Variants in TRPM3 observed in about 807,000 individuals in gnomAD.
TRPM3 encodes transient receptor potential cation channel subfamily M member 3.
In TRPM3, 77 loss-of-function variants were observed where a neutral mutation model predicts 181.2. The ratio of observed to expected loss-of-function variants is 0.42; its 90% CI spans 0.35 to 0.51. TRPM3 has a LOEUF of 0.51. Ranked by LOEUF, TRPM3 falls within the 20% of genes least tolerant of loss-of-function variation. TRPM3 has a pLI of 0.01. For synonymous variants in TRPM3, 745 were observed against 796.4 expected (o/e 0.94, Z 1.09); for missense variants, 1,759 against 2,196.7 (o/e 0.80, Z 3.98).
intron 1 of TRPM3, among the ~76,000 whole-genome samples, chr9:70,989,467 T>C (rs1235789088): frequency 6.6e-6 from 1 of 152,128 alleles, no homozygotes; most frequent in Non-Finnish European, 1.5e-5. Flanking sequence ...CAACTGAACT[T>C]TTAACTTGGT....
At chr9:70,784,531 G>A (rs1327206549) in intron 6 of TRPM3, among the ~76,000 whole-genome samples, 8 of 152,080 alleles carry the variant, frequency 5.3e-5, no homozygotes, top group South Asian at 2.1e-4. Flanking sequence ...GTGAAGGCAC[G>A]GGGTTCCATA....
intron 9 of TRPM3, among the ~76,000 whole-genome samples, chr9:70,657,984 A>G (rs549280062): frequency 6.6e-6 from 1 of 152,298 alleles, no homozygotes; most frequent in East Asian, 1.9e-4. Context: ...CACTGATGCA[A>G]GACCAGCCTA....
At chr9:71,013,962 C>T (rs1286178981) in intron 1 of TRPM3, among the ~76,000 whole-genome samples, 1 of 151,792 alleles carries the variant, frequency 6.6e-6, no homozygotes, top group Non-Finnish European at 1.5e-5. Context: ...CTCCCTTCTG[C>T]TTTCTTTTGA....
At chr9:70,816,571 A>G (rs1588759704) in intron 6 of TRPM3, among the ~76,000 whole-genome samples, 1 of 152,336 alleles carries the variant, frequency 6.6e-6, no homozygotes, top group Non-Finnish European at 1.5e-5. Flanking sequence ...CCTGCTGCCA[A>G]GATTACTGGC....
At chr9:71,360,778 CA>C (rs2092108316) in intron 1 of TRPM3, among the ~76,000 whole-genome samples, 1 of 151,964 alleles carries the variant, frequency 6.6e-6, no homozygotes, top group Non-Finnish European at 1.5e-5. Context: ...GCCCAGAGCA[CA>C]GCACTATGTC....
At chr9:70,909,659 A>G (rs2096517416) in intron 1 of TRPM3, among the ~76,000 whole-genome samples, 1 of 152,204 alleles carries the variant, frequency 6.6e-6, no homozygotes, top group African/African-American at 2.4e-5. Flanking sequence ...ACAATCTAAT[A>G]GGAAAGTTGG....
chr9:71,251,525 T>C (rs1170837604), intron 1 of TRPM3, among the ~76,000 whole-genome samples: 3 of 152,188 alleles, frequency 2.0e-5, no homozygotes, highest in Admixed American at 6.5e-5. Flanking sequence ...CACAGAATTT[T>C]AACTTTTAAC....
In TRPM3 at chr9:70,809,989, T is replaced by C. The variant is rs779027118; in HGVS notation, c.973+17858A>G. 1.9e-4 allele frequency: 102 copies of C among 534,684 alleles called. No individual in the cohort carries two copies. The highest frequency in any genetic ancestry group is 9.5e-4 in the Middle Eastern group (3 of 3,146). The allele number at this position is 534,684 out of a possible 1,614,324, so 33.1% of individuals were successfully genotyped here. A position where few individuals can be genotyped will look rare whatever the true frequency, so the allele number is the denominator to read the frequency against. ...TCAAAAAAGATGCCAGTGATGACAA[T>C]TGAACGTCCCTTTGCCTTCCCAGCC... On this transcript the variant is annotated intron_variant, in intron 6 of 25. Transcript: ENST00000677713.
chr9:71,438,437 A>G (rs1298089767), intron 1 of TRPM3, among the ~76,000 whole-genome samples: 1 of 152,072 alleles, frequency 6.6e-6, no homozygotes, highest in African/African-American at 2.4e-5. Flanking sequence ...TGAAAGGCTG[A>G]GGTGGAAGGA....
intron 6 of TRPM3, among the ~76,000 whole-genome samples, chr9:70,809,079 T>A (rs1032558457): frequency 1.3e-5 from 2 of 152,100 alleles, no homozygotes; most frequent in Admixed American, 6.5e-5. Flanking sequence ...GAAAAAAGTT[T>A]AAAAAATACA....
intron 5 of TRPM3, among the ~76,000 whole-genome samples, chr9:70,837,114 C>T (rs749359654): frequency 6.6e-6 from 1 of 152,170 alleles, no homozygotes; most frequent in Non-Finnish European, 1.5e-5. Flanking sequence ...TCCCCAGATA[C>T]ATCTTATCTA....
intron 22 of TRPM3, among the ~76,000 whole-genome samples, chr9:70,584,182 G>A (rs1256341054): frequency 6.6e-6 from 1 of 152,188 alleles, no homozygotes; most frequent in East Asian, 1.9e-4. Context: ...ATGAGCCACT[G>A]TGCCTGGCCT....
chr9:71,241,180 T>A (rs1023849698), intron 1 of TRPM3, among the ~76,000 whole-genome samples: 5 of 152,106 alleles, frequency 3.3e-5, no homozygotes, highest in Admixed American at 3.3e-4. Flanking sequence ...CAAACAGACC[T>A]TGAACCTCAG....
intron 1 of TRPM3, among the ~76,000 whole-genome samples, chr9:71,376,444 C>G (rs1349286577): frequency 1.3e-5 from 2 of 151,942 alleles, no homozygotes; most frequent in African/African-American, 4.8e-5. Context: ...TATAACTCCT[C>G]AAGTAATTTT....
intron 19 of TRPM3, among the ~76,000 whole-genome samples, chr9:70,605,001 G>A (rs571339517): frequency 7.6e-6 from 1 of 131,226 alleles, no homozygotes; most frequent in South Asian, 2.4e-4. Flanking sequence ...CTATTGCCCA[G>A]GCTGGAGTGC....
At chr9:70,896,240 C>A (rs2096276954) in intron 1 of TRPM3, among the ~76,000 whole-genome samples, 1 of 152,116 alleles carries the variant, frequency 6.6e-6, no homozygotes, top group African/African-American at 2.4e-5. Flanking sequence ...CAGAACAGCT[C>A]AAAAATTTTG....
chr9:71,290,479 G>A (rs189269944), intron 1 of TRPM3, among the ~76,000 whole-genome samples: 52 of 152,172 alleles, frequency 3.4e-4, no homozygotes, highest in African/African-American at 1.2e-3. Flanking sequence ...CCAATAGAAT[G>A]AGGGTAGAAC....
In TRPM3 at chr9:70,533,209, A is replaced by G. The variant is rs1030071835; in HGVS notation, c.*2744T>C. 2.5e-4 allele frequency: 38 copies of G among 152,152 alleles called. 1 individual carries two copies. The highest frequency in any genetic ancestry group is 5.9e-5 in the Non-Finnish European group (4 of 68,036). 9.4% of individuals were successfully genotyped at this position (152,152 alleles called of 1,614,324 possible). On this transcript the variant is annotated 3_prime_UTR_variant, in exon 26 of 26. Coordinates refer to ENST00000677713, the MANE Select transcript of TRPM3 (RefSeq NM_001366145.2). The stretch of plus-strand genomic sequence containing the variant: ...TGAAAATTTCTTTCCCTCACTTCCA[A>G]TCTGGCCCAGAATGAGGCCTTGGAG...
At chr9:70,597,444 T>C (rs967196636) in intron 21 of TRPM3, among the ~76,000 whole-genome samples, 5 of 152,182 alleles carry the variant, frequency 3.3e-5, no homozygotes, top group Non-Finnish European at 5.9e-5. Flanking sequence ...ACATATATCT[T>C]GTAAAGATGA....
Sources: gnomAD v4.1 joint callset for allele counts (sites outside exome capture counted in the v4.1 genomes callset) on GRCh38, gnomAD v4.1.1 for gene constraint, MANE v1.5 for transcripts, NCBI Gene and HGNC (gene_info 2026-07-23, HGNC 2026-07-21) for gene names.